The following GABRB1 variants were observed in gnomAD, a reference collection of about 807,000 sequenced individuals.
GABRB1 encodes gamma-aminobutyric acid receptor subunit beta-1.
GABRB1 carries 17 observed loss-of-function variants against 51.6 expected under a neutral mutation model. The ratio of observed to expected loss-of-function variants is 0.33; its 90% CI spans 0.23 to 0.49. The LOEUF (loss-of-function observed/expected upper bound fraction) is 0.49, where lower values mean the gene tolerates loss of function less well. GABRB1 is among the 20% of genes least tolerant of loss of function. The pLI, the probability that GABRB1 is intolerant of heterozygous loss-of-function variation, is 0.99. For synonymous variants in GABRB1, 247 were observed against 218.9 expected (o/e 1.13, Z -1.14); for missense variants, 410 against 600.6 (o/e 0.68, Z 3.32).
intron 5 of GABRB1, among the ~76,000 whole-genome samples, chr4:47,330,710 G>T (rs925194291): frequency 6.6e-6 from 1 of 152,068 alleles, no homozygotes; most frequent in Admixed American, 6.6e-5. Context: ...AATCTAGACT[G>T]CTGGGAGTTT....
chr4:47,140,565 C>T (rs1577945000), intron 3 of GABRB1, among the ~76,000 whole-genome samples: 1 of 151,852 alleles, frequency 6.6e-6, no homozygotes. Context: ...AGTATCTTGG[C>T]AGTGACATGC....
intron 3 of GABRB1, among the ~76,000 whole-genome samples, chr4:47,151,034 C>G (rs1202105188): frequency 1.3e-5 from 2 of 152,036 alleles, no homozygotes; most frequent in African/African-American, 4.8e-5. Flanking sequence ...TATTTTAAGA[C>G]TTCCCCAGGG....
At chr4:47,030,290 G>A (rs1725247289), upstream of GABRB1, among the ~76,000 whole-genome samples, 1 of 152,056 alleles carries the variant, frequency 6.6e-6, no homozygotes, top group Non-Finnish European at 1.5e-5. Context: ...TATTGTAATG[G>A]AATAAATTTT....
intron 1 of GABRB1, among the ~76,000 whole-genome samples, chr4:47,010,606 A>G (rs1001458672): frequency 6.6e-6 from 1 of 152,212 alleles, no homozygotes; most frequent in African/African-American, 2.4e-5. Context: ...ATTTCCCAGT[A>G]ACTTTTATTA....
chr4:47,343,424 T>G (rs530437113), intron 5 of GABRB1, among the ~76,000 whole-genome samples: 12 of 152,216 alleles, frequency 7.9e-5, no homozygotes, highest in Admixed American at 7.9e-4. Flanking sequence ...ATGGAAATAT[T>G]GCCAGTAGAA....
intron 3 of GABRB1, among the ~76,000 whole-genome samples, chr4:47,132,266 A>G (rs1716448829): frequency 1.3e-5 from 2 of 151,926 alleles, no homozygotes; most frequent in Admixed American, 6.6e-5. Context: ...TTATTTTTCT[A>G]TTGATGTGAG....
At chr4:47,046,377 C>A (rs748726722) in intron 3 of GABRB1, among the ~76,000 whole-genome samples, 2 of 152,204 alleles carry the variant, frequency 1.3e-5, no homozygotes, top group African/African-American at 4.8e-5. Flanking sequence ...TATCTGTTCA[C>A]TTCTGCTTAT....
chr4:47,029,301 T>C (rs1725206463), upstream of GABRB1, among the ~76,000 whole-genome samples: 1 of 152,006 alleles, frequency 6.6e-6, no homozygotes, highest in African/African-American at 2.4e-5. Context: ...TGAAAATATA[T>C]GGAGTTTTAA....
chr4:47,318,973 G>A (rs1013660171), intron 4 of GABRB1, among the ~76,000 whole-genome samples: 1 of 151,918 alleles, frequency 6.6e-6, no homozygotes, highest in African/African-American at 2.4e-5. Context: ...GTCTTCTTAG[G>A]GAGAAAACCT....
In GABRB1 at chr4:47,031,609, T is replaced by C; in HGVS notation, c.-43T>C. On this transcript the variant is annotated 5_prime_UTR_variant, in exon 1 of 9. Transcript: ENST00000295454. ...CAGCAGCCGACTAAGTTGCATTCCT[T>C]GAATCTTCGCAGAAAAGACAATTCT... 1.9e-6 allele frequency: 3 copies of C among 1,540,100 alleles called. No individual in the cohort carries two copies. The highest frequency in any genetic ancestry group is 2.7e-6 in the Non-Finnish European group (3 of 1,112,918).
At chr4:47,174,124 G>T (rs1377898704) in intron 4 of GABRB1, among the ~76,000 whole-genome samples, 1 of 152,010 alleles carries the variant, frequency 6.6e-6, no homozygotes, top group Non-Finnish European at 1.5e-5. Context: ...GAGTTCAGTG[G>T]TGCAATCATG....
chr4:47,157,337 C>T (rs1034701682), intron 3 of GABRB1, among the ~76,000 whole-genome samples: 13 of 152,148 alleles, frequency 8.5e-5, no homozygotes, highest in African/African-American at 2.6e-4. Context: ...GCACTTTGGA[C>T]TAATGAAGAA....
At chr4:47,391,569 T>C (rs1224679988) in intron 5 of GABRB1, among the ~76,000 whole-genome samples, 6 of 152,212 alleles carry the variant, frequency 3.9e-5, no homozygotes, top group Non-Finnish European at 8.8e-5. Flanking sequence ...CTTGAGGTTG[T>C]AGTCCATCAC....
intron 3 of GABRB1, among the ~76,000 whole-genome samples, chr4:47,124,431 A>G (rs1049941216): frequency 6.6e-6 from 1 of 152,172 alleles, no homozygotes; most frequent in African/African-American, 2.4e-5. Context: ...ATACACAAAC[A>G]TCAACACAAG....
At chr4:47,060,338 T>C (rs1189590918) in intron 3 of GABRB1, among the ~76,000 whole-genome samples, 2 of 152,250 alleles carry the variant, frequency 1.3e-5, no homozygotes, top group African/African-American at 2.4e-5. Context: ...CTGAATGACA[T>C]AGTAAGTAAA....
upstream of GABRB1, among the ~76,000 whole-genome samples, chr4:47,030,863 G>GA (rs201983372): frequency 8.0e-3 from 1,221 of 151,832 alleles, 9 homozygotes; most frequent in Non-Finnish European, 0.012. Context: ...GATGGCCCTA[G>GA]AAAAAAAGAT....
intron 7 of GABRB1, among the ~76,000 whole-genome samples, chr4:47,406,437 TA>T (rs1010279294): frequency 7.2e-5 from 11 of 152,228 alleles, no homozygotes; most frequent in African/African-American, 1.4e-4. Flanking sequence ...TTTGTGCAAT[TA>T]AAAAAATGGT....
chr4:46,996,283 C>A (rs963984279), intron 1 of GABRB1, among the ~76,000 whole-genome samples: 1 of 151,932 alleles, frequency 6.6e-6, no homozygotes, highest in Non-Finnish European at 1.5e-5. Context: ...TTGATATAAG[C>A]CTCTGATTAC....
At chr4:47,380,285 G>T (rs915735257) in intron 5 of GABRB1, among the ~76,000 whole-genome samples, 2 of 152,160 alleles carry the variant, frequency 1.3e-5, no homozygotes, top group Admixed American at 1.3e-4. Flanking sequence ...GATAATCTTC[G>T]ACAGGGAAGA....
Sources: allele counts gnomAD v4.1 joint callset (sites outside exome capture counted in the v4.1 genomes callset), GRCh38; gene constraint gnomAD v4.1.1; transcripts MANE v1.5; gene names NCBI Gene and HGNC (gene_info 2026-07-23, HGNC 2026-07-21).